LAMC3: variants seen among roughly 807,000 people sequenced by gnomAD.
LAMC3 encodes laminin subunit gamma-3.
In LAMC3, 128 loss-of-function variants were observed where a neutral mutation model predicts 173.8. The ratio of observed to expected loss-of-function variants is 0.74; its 90% CI spans 0.64 to 0.85. The LOEUF (loss-of-function observed/expected upper bound fraction) is 0.85, where lower values mean the gene tolerates loss of function less well. LAMC3 is among the 40% of genes least tolerant of loss of function. LAMC3 has a pLI of 0.00. For missense variants in LAMC3, 2,022 were observed against 2,156.0 expected (o/e 0.94, Z 1.23); for synonymous variants, 897 against 909.1 (o/e 0.99, Z 0.24).
At chr9:131,037,124 C>A (rs911423032) in intron 4 of LAMC3, among the ~76,000 whole-genome samples, 6 of 152,182 alleles carry the variant, frequency 3.9e-5, no homozygotes, top group Non-Finnish European at 8.8e-5. Context: ...CAGGAGCTGC[C>A]CTCGCTGGCC....
chr9:131,038,317 G>A (rs1252447537), intron 4 of LAMC3, among the ~76,000 whole-genome samples: 2 of 152,198 alleles, frequency 1.3e-5, no homozygotes, highest in East Asian at 1.9e-4. Context: ...GCACGAGGGC[G>A]GCAGGTGTAA....
intron 1 of LAMC3, among the ~76,000 whole-genome samples, chr9:131,016,232 G>A (rs547276057): frequency 2.0e-5 from 3 of 152,310 alleles, no homozygotes; most frequent in African/African-American, 7.2e-5. Context: ...GTAGAATGCT[G>A]GTTGCCAGGG....
intron 11 of LAMC3, among the ~76,000 whole-genome samples, chr9:131,055,423 C>CTT (rs56220728): frequency 0.45 from 49,044 of 109,028 alleles, 11,466 homozygotes; most frequent in African/African-American, 0.52. Flanking sequence ...TCTTTTCTTT[C>CTT]TTTTTTTTTT....
At chr9:131,013,052 C>CGGG (rs1833453237) in intron 1 of LAMC3, among the ~76,000 whole-genome samples, 1 of 152,160 alleles carries the variant, frequency 6.6e-6, no homozygotes, top group Non-Finnish European at 1.5e-5. Flanking sequence ...TGGACAGTGA[C>CGGG]GGGGGTACAG....
chr9:131,081,251 C>T (rs1389713236), intron 23 of LAMC3, among the ~76,000 whole-genome samples: 1 of 152,210 alleles, frequency 6.6e-6, no homozygotes, highest in African/African-American at 2.4e-5. Context: ...TTGAAAGGCT[C>T]GGTCATATTC....
chr9:131,046,518 A>ATTTTTTTTTTTTTTTTTTCTTTT (rs1834163795), intron 8 of LAMC3, among the ~76,000 whole-genome samples: 1 of 49,170 alleles, frequency 2.0e-5, no homozygotes, highest in Admixed American at 3.6e-4. Flanking sequence ...TAATTTTTGT[A>ATTTTTTTTTTTTTTTTTTCTTTT]TTTTTTTTTT....
intron 13 of LAMC3, among the ~76,000 whole-genome samples, chr9:131,063,939 A>C (rs886138173): frequency 1.3e-5 from 2 of 150,834 alleles, no homozygotes; most frequent in African/African-American, 4.9e-5. Flanking sequence ...ACAGAGTCTC[A>C]CTCTGTCCCC....
chr9:131,025,180 T>G (rs965043390), intron 1 of LAMC3, among the ~76,000 whole-genome samples: 3 of 152,078 alleles, frequency 2.0e-5, no homozygotes, highest in African/African-American at 7.2e-5. Context: ...CGCCCGGCGC[T>G]CTCTGAGCCA....
chr9:131,049,169 C>A, intron 9 of LAMC3, 39 bp downstream of exon 9: 1 of 1,186,316 alleles, frequency 8.4e-7, no homozygotes, highest in South Asian at 1.3e-5. Flanking sequence ...CGCCCTGTGT[C>A]GGTTCCTCCT....
intron 12 of LAMC3, among the ~76,000 whole-genome samples, chr9:131,060,738 C>T (rs981305232): frequency 7.2e-5 from 11 of 151,948 alleles, no homozygotes; most frequent in African/African-American, 2.7e-4. Context: ...CTTGTTGGAC[C>T]CTGACGAGAA....
intron 1 of LAMC3, among the ~76,000 whole-genome samples, chr9:131,013,918 G>A (rs1588134943): frequency 2.0e-5 from 3 of 152,356 alleles, no homozygotes; most frequent in African/African-American, 2.4e-5. Flanking sequence ...TCGAGTGGGC[G>A]GCTGCGATTG....
Position 131,057,128 on chromosome 9 carries a change from C to T in LAMC3, c.2139C>T (p.Gly713=), listed in dbSNP as rs1368126396. 2 of 1,614,064 alleles carry T rather than the reference C, an allele frequency of 1.2e-6. No homozygotes were observed. Among genetic ancestry groups the T allele is most frequent in the Non-Finnish European group, 8.5e-7 (1 of 1,179,966 alleles). Residue 713 remains glycine (G), a synonymous_variant, in exon 12 of 28, where the codon GGC becomes GGT. Coordinates refer to ENST00000361069, the MANE Select transcript of LAMC3 (RefSeq NM_006059.4). ...TCCCCTGCACCTGTAACCAGCATGG[C>T]ACCTGTGACCCCAACACAGGTGAGT... The part of the protein sequence containing the change: ...SCVPCTCNQH[G]TCDPNTGICV...
At position 131,086,369 on chromosome 9, in the gene LAMC3, C is replaced by T. The variant is rs1270174296; in HGVS notation, c.4230+646C>T. Among the ~76,000 whole-genome samples, 3 of 148,968 alleles carry T rather than the reference C, an allele frequency of 2.0e-5. No homozygotes were observed. In the East Asian group the frequency reaches 6.0e-4, roughly 30 times the overall value. ...CTGGGATTACAGGTGTGAGCCACTGCACCCAGCTTAAGGGTTTTTGGTTTT... is the reference window on the plus strand; with the variant it reads ...CTGGGATTACAGGTGTGAGCCACTGTACCCAGCTTAAGGGTTTTTGGTTTT... On this transcript the variant is annotated intron_variant, in intron 25 of 27. Coordinates refer to ENST00000361069, the MANE Select transcript of LAMC3 (RefSeq NM_006059.4).
intron 3 of LAMC3, among the ~76,000 whole-genome samples, chr9:131,033,181 C>T (rs910639557): frequency 5.3e-5 from 8 of 152,218 alleles, no homozygotes; most frequent in African/African-American, 1.2e-4. Context: ...AGGCCTGTCT[C>T]GCACATGGCC....
intron 8 of LAMC3, among the ~76,000 whole-genome samples, chr9:131,047,745 C>G (rs1466616939): frequency 3.3e-5 from 5 of 151,278 alleles, no homozygotes; most frequent in Non-Finnish European, 5.9e-5. Flanking sequence ...CTCCTGTAAT[C>G]CCAGCTACTC....
intron 14 of LAMC3, 138 bp from the exon 15 acceptor site, chr9:131,067,940 C>T (rs751824574): frequency 8.6e-6 from 8 of 931,628 alleles, no homozygotes; most frequent in Non-Finnish European, 1.2e-5. Context: ...CTTTTTCCAG[C>T]AGTGGCGTCT....
chr9:131,026,210 C>A lies in LAMC3; in HGVS notation c.374-75C>A. 3 of 1,594,408 alleles carry A rather than the reference C, an allele frequency of 1.9e-6. No individual in the cohort carries two copies. The highest frequency in any genetic ancestry group is 1.7e-6 in the Non-Finnish European group (2 of 1,171,294). ...TCCACGCTAGTGCCTGCAATGCAGC[C>A]GTCTGTCCTTCCTAGACCAGGATTC... is the stretch of plus-strand genomic sequence containing the variant. On this transcript the variant is annotated intron_variant, in intron 1 of 27. Coordinates refer to ENST00000361069, the MANE Select transcript of LAMC3 (RefSeq NM_006059.4). The surrounding 1 kb of genome is among the most constrained non-coding windows in gnomAD (Gnocchi z 4.8).
intron 11 of LAMC3, 87 bp downstream of exon 11, chr9:131,053,052 G>T: frequency 1.0e-6 from 1 of 997,234 alleles, no homozygotes; most frequent in Non-Finnish European, 1.5e-6. Context: ...AGTCTTGTCA[G>T]GGCCTTGCGG....
At chr9:131,037,892 C>T (rs1242535223) in intron 4 of LAMC3, among the ~76,000 whole-genome samples, 1 of 152,246 alleles carries the variant, frequency 6.6e-6, no homozygotes. Flanking sequence ...ACCACGGCAG[C>T]CCAGCCTCCC....
Sources: allele counts gnomAD v4.1 joint callset (sites outside exome capture counted in the v4.1 genomes callset), GRCh38; gene constraint gnomAD v4.1.1; non-coding constraint Gnocchi (gnomAD v3.1); transcripts MANE v1.5; gene names NCBI Gene and HGNC (gene_info 2026-07-23, HGNC 2026-07-21).